Variants in CDH4 observed in about 807,000 individuals in gnomAD.
CDH4 encodes cadherin-4.
CDH4 carries 33 observed loss-of-function variants against 86.0 expected under a neutral mutation model. The observed-to-expected ratio is 0.38, with a 90% confidence interval of 0.29 to 0.51. The LOEUF is 0.51. CDH4 is among the 20% of genes least tolerant of loss of function. CDH4 has a pLI of 0.86. For missense variants in CDH4, 1,114 were observed against 1,307.4 expected, an observed-to-expected ratio of 0.85 and a Z score of 2.28; for synonymous variants, 555 against 549.4, an observed-to-expected ratio of 1.01 and a Z score of -0.14.
intron 4 of CDH4, among the ~76,000 whole-genome samples, chr20:61,795,363 A>G (rs1037261579): frequency 1.3e-5 from 2 of 151,890 alleles, no homozygotes; most frequent in Non-Finnish European, 2.9e-5. Context: ...TCTCCTGTGT[A>G]CCAGGGACAG....
chr20:61,355,162 T>C (rs1199936773), intron 2 of CDH4, among the ~76,000 whole-genome samples: 3 of 152,140 alleles, frequency 2.0e-5, no homozygotes, highest in Non-Finnish European at 4.4e-5. Context: ...CCCTAAATCC[T>C]TTCATTTCCA....
At chr20:61,931,294 G>A (rs2055105967) in intron 13 of CDH4, among the ~76,000 whole-genome samples, 1 of 152,218 alleles carries the variant, frequency 6.6e-6, no homozygotes, top group Non-Finnish European at 1.5e-5. Flanking sequence ...GCAGTGCGTG[G>A]CTCCTCCCTC....
In CDH4 at chr20:61,660,524, G is replaced by A. The variant is rs1023212753; in HGVS notation, c.170-83039G>A. 5.9e-5 allele frequency among the ~76,000 whole-genome samples: 9 copies of A among 152,136 alleles called. No homozygotes were observed. The East Asian group carries it at 9.6e-4, about 16-fold the overall frequency. On this transcript the variant is annotated intron_variant, in intron 2 of 15. Coordinates refer to ENST00000614565, the MANE Select transcript of CDH4 (RefSeq NM_001794.5). ...GTGTATCCATTTTCAAACATCAGCC[G>A]TGGCAAGTCTGTTACATGTGGGTGC...
At chr20:61,559,839 A>G (rs550895131) in intron 2 of CDH4, among the ~76,000 whole-genome samples, 15 of 152,150 alleles carry the variant, frequency 9.9e-5, no homozygotes, top group Admixed American at 9.8e-4. Flanking sequence ...TTCTCCCTGC[A>G]TGTCCCAGCT....
intron 2 of CDH4, among the ~76,000 whole-genome samples, chr20:61,590,155 G>A (rs1297407197): frequency 6.9e-6 from 1 of 145,696 alleles, no homozygotes; most frequent in Non-Finnish European, 1.5e-5. Flanking sequence ...GTAGGGAGAT[G>A]GACGTGGAGG....
At chr20:61,334,243 A>G (rs1287950042) in intron 2 of CDH4, among the ~76,000 whole-genome samples, 1 of 152,246 alleles carries the variant, frequency 6.6e-6, no homozygotes, top group African/African-American at 2.4e-5. Context: ...CTGACCTGAA[A>G]TGAGGCTCAT....
chr20:61,932,194 CAG>C (rs2123004889), intron 13 of CDH4, among the ~76,000 whole-genome samples: 1 of 152,296 alleles, frequency 6.6e-6, no homozygotes, highest in African/African-American at 2.4e-5. Context: ...AAGAGGGACT[CAG>C]AAAGACTTGT....
intron 2 of CDH4, among the ~76,000 whole-genome samples, chr20:61,633,505 T>G (rs756412223): frequency 1.3e-5 from 2 of 152,150 alleles, no homozygotes; most frequent in Non-Finnish European, 2.9e-5. Flanking sequence ...CATCTGTCTA[T>G]CCTTCCACCT....
At chr20:61,928,159 G>C in intron 11 of CDH4, 31 bp from the exon 12 acceptor site, 1 of 1,553,264 alleles carries the variant, frequency 6.4e-7, no homozygotes, top group Non-Finnish European at 8.8e-7. Context: ...ACCAGGAGTG[G>C]CCCGTGTGGT....
intron 2 of CDH4, among the ~76,000 whole-genome samples, chr20:61,482,783 A>G (rs1306753624): frequency 1.3e-5 from 2 of 152,162 alleles, no homozygotes; most frequent in East Asian, 1.9e-4. Context: ...ATGGAATGAC[A>G]CTAAGCAACA....
At chr20:61,478,961 T>A (rs907149419) in intron 2 of CDH4, among the ~76,000 whole-genome samples, 4 of 134,594 alleles carry the variant, frequency 3.0e-5, no homozygotes, top group African/African-American at 6.5e-5. Context: ...ATTTTTGAAA[T>A]TTTTTTTTTT....
chr20:61,511,332 T>G (rs1600720803), intron 2 of CDH4, among the ~76,000 whole-genome samples: 1 of 152,178 alleles, frequency 6.6e-6, no homozygotes, highest in South Asian at 2.1e-4. Context: ...GTTTTCTGCA[T>G]CCCCTCCTGC....
At chr20:61,542,683 C>T (rs1036836660) in intron 2 of CDH4, among the ~76,000 whole-genome samples, 1 of 152,194 alleles carries the variant, frequency 6.6e-6, no homozygotes, top group Non-Finnish European at 1.5e-5. Flanking sequence ...TATTTATAAT[C>T]AGAACTCCTA....
chr20:61,280,506 C>T (rs2084252978), intron 2 of CDH4, among the ~76,000 whole-genome samples: 1 of 152,164 alleles, frequency 6.6e-6, no homozygotes, highest in Non-Finnish European at 1.5e-5. Context: ...GCCGATGTCC[C>T]CACTCTCACG....
intron 2 of CDH4, among the ~76,000 whole-genome samples, chr20:61,438,376 G>C (rs1383419715): frequency 1.3e-5 from 2 of 152,154 alleles, no homozygotes; most frequent in African/African-American, 4.8e-5. Context: ...AAAGAAGCTG[G>C]GGAAATCTTT....
intron 2 of CDH4, among the ~76,000 whole-genome samples, chr20:61,515,401 G>A (rs2085811461): frequency 6.6e-6 from 1 of 152,254 alleles, no homozygotes; most frequent in African/African-American, 2.4e-5. Context: ...AAGCCAGTGA[G>A]GACCCTCCTG....
intron 4 of CDH4, among the ~76,000 whole-genome samples, chr20:61,798,571 G>GT (rs1979669689): frequency 6.6e-6 from 1 of 152,220 alleles, no homozygotes; most frequent in Admixed American, 6.5e-5. Context: ...AGCCACCTGA[G>GT]TGTTAGACTG....
intron 2 of CDH4, among the ~76,000 whole-genome samples, chr20:61,494,410 G>T (rs1023680683): frequency 6.6e-6 from 1 of 152,136 alleles, no homozygotes; most frequent in East Asian, 1.9e-4. Flanking sequence ...TTTAACAAAT[G>T]CATTGTTATC....
At position 61,881,925 on chromosome 20, in the gene CDH4, C is replaced by G. The variant is rs566563455; in HGVS notation, c.1050+8025C>G. ...CATTGGGGTGGACCCTAAATCCTTA[C>G]AGAGGCAGAGGGAGACACAGGGGAG... is the stretch of plus-strand genomic sequence containing the variant. On this transcript the variant is annotated intron_variant, in intron 7 of 15. Coordinates refer to ENST00000614565, the MANE Select transcript of CDH4 (RefSeq NM_001794.5). Among the ~76,000 whole-genome samples, 11 of 152,328 alleles carry G rather than the reference C, an allele frequency of 7.2e-5. No individual in the cohort carries two copies. In the South Asian group the frequency reaches 2.3e-3, roughly 32 times the overall value.
Sources: gnomAD v4.1 joint callset for allele counts (sites outside exome capture counted in the v4.1 genomes callset) on GRCh38, gnomAD v4.1.1 for gene constraint, MANE v1.5 for transcripts, NCBI Gene and HGNC (gene_info 2026-07-23, HGNC 2026-07-21) for gene names.